Variants in TRIP11 observed in about 807,000 individuals in gnomAD.
TRIP11 encodes the protein thyroid hormone receptor interactor 11.
A neutral mutation model predicts 223.1 loss-of-function variants in TRIP11; 148 were observed. That is an observed-to-expected ratio of 0.66 (90% CI 0.58 to 0.76). The LOEUF is 0.76. Among genes scored for constraint, TRIP11 ranks in the 30% least tolerant of loss-of-function variants. The pLI, the probability that TRIP11 is intolerant of heterozygous loss-of-function variation, is 0.00. For synonymous variants in TRIP11, 762 were observed against 772.6 expected (o/e 0.99, Z 0.23); for missense variants, 2,043 against 2,222.0 (o/e 0.92, Z 1.62).
intron 16 of TRIP11, among the ~76,000 whole-genome samples, chr14:91,986,967 C>A (rs1187353726): frequency 6.6e-6 from 1 of 152,124 alleles, no homozygotes; most frequent in Non-Finnish European, 1.5e-5. Flanking sequence ...GATAGGGCTA[C>A]AATAACATGA....
At chr14:92,000,774 A>G (rs1398832326) in intron 11 of TRIP11, among the ~76,000 whole-genome samples, 1 of 152,230 alleles carries the variant, frequency 6.6e-6, no homozygotes, top group African/African-American at 2.4e-5. Flanking sequence ...CTTCACTGCA[A>G]AAGTAGGGCC....
Position 91,999,977 on chromosome 14 carries a change from T to C in TRIP11, c.4689A>G (p.Leu1563=), listed in dbSNP as rs1306576536. The C allele has an allele frequency of 1.9e-6, 3 of 1,613,980 alleles. No homozygotes were observed. The highest frequency in any genetic ancestry group is 1.1e-5 in the South Asian group (1 of 91,074). The change falls in exon 12 of 21, where the codon CTA becomes CTG. Residue 1563 remains leucine, a synonymous_variant. Coordinates refer to ENST00000267622, the MANE Select transcript of TRIP11 (RefSeq NM_004239.4). ...LKQKQMENTA[L]QNEVQRLRDK... Reference sequence around the variant, plus strand: ...TAAAGTGAAAGTATACCTCATTCTGTAGGGCAGTATTTTCCATTTGTTTTT... The same window carrying C: ...TAAAGTGAAAGTATACCTCATTCTGCAGGGCAGTATTTTCCATTTGTTTTT...
chr14:91,969,252 C>A lies in TRIP11; in HGVS notation c.*421G>T. On this transcript the variant is annotated 3_prime_UTR_variant, in exon 21 of 21. Coordinates refer to ENST00000267622, the MANE Select transcript of TRIP11 (RefSeq NM_004239.4). Reference sequence around the variant, plus strand: ...CTTCAAATCAACTTTCTGCACTATGCAGAGAAGCCACTACTAGTATTTTTT... The same window carrying A: ...CTTCAAATCAACTTTCTGCACTATGAAGAGAAGCCACTACTAGTATTTTTT... 3.2e-6 allele frequency: 1 copy of A among 310,448 alleles called. No individual in the cohort carries two copies. The highest frequency in any genetic ancestry group is 6.0e-6 in the Non-Finnish European group (1 of 165,488). The allele number at this position is 310,448 out of a possible 1,614,324, so 19.2% of individuals were successfully genotyped here.
intron 16 of TRIP11, among the ~76,000 whole-genome samples, chr14:91,983,186 G>A (rs940501549): frequency 6.6e-5 from 10 of 152,198 alleles, no homozygotes; most frequent in African/African-American, 2.4e-4. Context: ...TTTGTTTCAT[G>A]TATTTGATGC....
At chr14:92,014,909 T>TA (rs1241718300) in intron 6 of TRIP11, among the ~76,000 whole-genome samples, 1 of 151,432 alleles carries the variant, frequency 6.6e-6, no homozygotes, top group Non-Finnish European at 1.5e-5. Flanking sequence ...CACAGAATTT[T>TA]TTTTTTTTTT....
At chr14:91,975,090 C>A in intron 18 of TRIP11, 82 bp downstream of exon 18, 2 of 1,262,254 alleles carry the variant, frequency 1.6e-6, no homozygotes, top group Non-Finnish European at 1.2e-6. Flanking sequence ...GTAAAAGTTA[C>A]ATACAGTAAA....
chr14:91,979,172 G>A (rs181938505), intron 16 of TRIP11, among the ~76,000 whole-genome samples: 7 of 150,824 alleles, frequency 4.6e-5, no homozygotes, highest in Admixed American at 4.0e-4. Flanking sequence ...CGGGAGGATC[G>A]CCTGAGCCCA....
chr14:92,024,539 CT>C (rs2057157065), intron 3 of TRIP11, among the ~76,000 whole-genome samples: 1 of 152,068 alleles, frequency 6.6e-6, no homozygotes, highest in African/African-American at 2.4e-5. Context: ...ACGTGCTATA[CT>C]TTTATCTTTC....
Position 91,999,409 on chromosome 14 carries a change from A to G in TRIP11, c.4723T>C (p.Phe1575Leu). ...CTCTCTAGCTCTTGGTTTGAACGAAATTCTTTGTCACGTAAACGTTGAACC... is the reference window on the plus strand; with the variant it reads ...CTCTCTAGCTCTTGGTTTGAACGAAGTTCTTTGTCACGTAAACGTTGAACC... ...NEVQRLRDKE[F>L]RSNQELERLR... is the part of the protein sequence containing the mutation. The change falls in exon 13 of 21, where the codon TTT becomes CTT. Residue 1575 changes from phenylalanine to leucine, a missense_variant. Coordinates refer to ENST00000267622, the MANE Select transcript of TRIP11 (RefSeq NM_004239.4). 3 of 1,613,836 alleles carry G rather than the reference A, an allele frequency of 1.9e-6. No individual in the cohort carries two copies. The highest frequency in any genetic ancestry group is 1.3e-5 in the African/African-American group (1 of 75,036).
chr14:92,005,499 T>G lies in TRIP11; in HGVS notation c.2477A>C (p.Lys826Thr). The G allele has an allele frequency of 7.4e-6, 12 of 1,613,712 alleles. No individual in the cohort carries two copies. Among genetic ancestry groups the G allele is most frequent in the Non-Finnish European group, 1.0e-5 (12 of 1,179,954 alleles). Reference protein sequence around the residue: ...FIEKLKERSSKLQEELDKYSQ... With the variant: ...FIEKLKERSSTLQEELDKYSQ... Reference sequence around the variant, plus strand: ...ATATTTATCCAATTCCTCCTGCAGCTTTGAACTTCTTTCTTTAAGCTTTTC... The same window carrying G: ...ATATTTATCCAATTCCTCCTGCAGCGTTGAACTTCTTTCTTTAAGCTTTTC... Residue 826 changes from lysine (K) to threonine (T), a missense_variant, in exon 11 of 21, where the codon AAG becomes ACG. By Grantham distance (78) the Lys-to-Thr change is moderately conservative. Coordinates refer to ENST00000267622, the MANE Select transcript of TRIP11 (RefSeq NM_004239.4).
intron 4 of TRIP11, 104 bp downstream of exon 4, chr14:92,021,452 A>G (rs2057113533): frequency 1.8e-6 from 2 of 1,106,864 alleles, no homozygotes; most frequent in East Asian, 2.4e-5. Flanking sequence ...TCTATTTCCT[A>G]GTCCAGGGTT....
At chr14:91,996,042 C>T (rs2056746898) in intron 13 of TRIP11, among the ~76,000 whole-genome samples, 1 of 152,154 alleles carries the variant, frequency 6.6e-6, no homozygotes, top group African/African-American at 2.4e-5. Context: ...TTTAAGTGTA[C>T]AGTTCAGTGG....
intron 2 of TRIP11, among the ~76,000 whole-genome samples, chr14:92,031,859 C>T (rs552719603): frequency 4.6e-5 from 7 of 152,270 alleles, no homozygotes; most frequent in African/African-American, 1.7e-4. Flanking sequence ...GTTGCCCGGG[C>T]TGGAATACAG....
chr14:91,991,507 G>A (rs1271127533), intron 15 of TRIP11, among the ~76,000 whole-genome samples: 2 of 152,178 alleles, frequency 1.3e-5, no homozygotes, highest in African/African-American at 4.8e-5. Context: ...TCATGTGCCT[G>A]CTAGTGGGAG....
intron 3 of TRIP11, among the ~76,000 whole-genome samples, chr14:92,022,784 CA>C (rs924107324): frequency 6.6e-6 from 1 of 152,130 alleles, no homozygotes; most frequent in South Asian, 2.1e-4. Context: ...AGCAAGTAGA[CA>C]AAAACCAAAC....
chr14:92,026,764 G>T, intron 2 of TRIP11: 1 of 1,155,920 alleles, frequency 8.7e-7, no homozygotes, highest in Non-Finnish European at 1.3e-6. Context: ...AGAAGGTGAG[G>T]GTGAGGAAGA....
At chr14:92,036,555 C>T (rs915369949) in intron 1 of TRIP11, among the ~76,000 whole-genome samples, 3 of 152,210 alleles carry the variant, frequency 2.0e-5, no homozygotes, top group African/African-American at 4.8e-5. Context: ...AGCCCAAGCT[C>T]CTAACCTTGA....
chr14:91,986,741 G>C (rs1333683520), intron 16 of TRIP11, among the ~76,000 whole-genome samples: 1 of 152,192 alleles, frequency 6.6e-6, no homozygotes, highest in Non-Finnish European at 1.5e-5. Flanking sequence ...TCAATTCCCA[G>C]TGTGTCTCCT....
Position 91,969,289 on chromosome 14 carries a change from TAAA to T in TRIP11, c.*381_*383del. ...TACTAGTATTTTTTTATTCTTCGTT[TAAA>T]AAAAAAAAACACTCTCTTGATAAAC... is the stretch of plus-strand genomic sequence containing the variant. On this transcript the variant is annotated 3_prime_UTR_variant, in exon 21 of 21. Coordinates refer to ENST00000267622, the MANE Select transcript of TRIP11 (RefSeq NM_004239.4). The T allele has an allele frequency of 3.8e-6, 1 of 262,818 alleles. No homozygotes were observed. Among genetic ancestry groups the T allele is most frequent in the Non-Finnish European group, 7.2e-6 (1 of 138,772 alleles). The allele number at this position is 262,818 out of a possible 1,614,324, so 16.3% of individuals were successfully genotyped here.
Sources: gnomAD v4.1 joint callset for allele counts (sites outside exome capture counted in the v4.1 genomes callset) on GRCh38, gnomAD v4.1.1 for gene constraint, MANE v1.5 for transcripts, NCBI Gene and HGNC (gene_info 2026-07-23, HGNC 2026-07-21) for gene names.